Variants in PFKFB3 observed in about 807,000 individuals in gnomAD.
PFKFB3 encodes the protein 6-phosphofructo-2-kinase/fructose-2,6-bisphosphatase 3.
Under a neutral mutation model 68.0 loss-of-function variants are expected in PFKFB3, and 33 were observed. That is an observed-to-expected ratio of 0.49 (90% CI 0.37 to 0.65). The LOEUF (loss-of-function observed/expected upper bound fraction) is 0.65. Ranked by LOEUF, PFKFB3 falls within the 30% of genes least tolerant of loss-of-function variation. PFKFB3 has a pLI of 0.00. For synonymous variants in PFKFB3, 315 were observed against 288.2 expected (o/e 1.09, Z -0.94); for missense variants, 586 against 712.2 (o/e 0.82, Z 2.02).
intron 1 of PFKFB3, among the ~76,000 whole-genome samples, chr10:6,167,453 T>C (rs535555276): frequency 1.1e-4 from 17 of 152,362 alleles, no homozygotes; most frequent in African/African-American, 3.6e-4. Flanking sequence ...AGGAATACTT[T>C]AGGAGTCTCT....
At chr10:6,204,618 C>T (rs547704943) in intron 1 of PFKFB3, among the ~76,000 whole-genome samples, 1 of 152,226 alleles carries the variant, frequency 6.6e-6, no homozygotes, top group Non-Finnish European at 1.5e-5. Context: ...TGTTCCCCCT[C>T]TTTGTGAGGT....
the PFKFB3 span, among the ~76,000 whole-genome samples, chr10:6,281,025 G>C: frequency 1.3e-5 from 2 of 150,692 alleles, no homozygotes; most frequent in Non-Finnish European, 3.0e-5. Flanking sequence ...TCATAGCTTA[G>C]CTCCCACTTA....
In PFKFB3 at chr10:6,220,862, G is replaced by C. The variant is rs776787195; in HGVS notation, c.828G>C (p.Lys276Asn). ...ACTCAGGCCTGTCCAGCCGGGGCAA[G>C]AAGGTGCGGGGTGTGCTGCCGCATG... The part of the protein sequence containing the change: ...GGDSGLSSRG[K>N]KFASALSKFV... The change falls in exon 8 of 15, where the codon AAG (lysine) becomes AAC (asparagine). Residue 276 changes from lysine to asparagine, a missense_variant. Lys to Asn is a moderately conservative substitution (Grantham distance 94, BLOSUM62 0). Coordinates refer to ENST00000379775, the MANE Select transcript of PFKFB3 (RefSeq NM_004566.4). The surrounding 1 kb of genome is among the most constrained non-coding windows in gnomAD (Gnocchi z 4.1). The C allele has an allele frequency of 1.1e-5, 18 of 1,610,468 alleles. No homozygotes were observed. The highest frequency in any genetic ancestry group is 1.5e-5 in the Non-Finnish European group (18 of 1,179,932).
rs755522291 is a variant in PFKFB3 at position 6,228,921 on chromosome 10, G to A, written c.1515+2556G>A. Reference sequence around the variant, plus strand: ...AGTTTCAGGTTCAGCCTTAGCTCTGGCAGCCACTGGGTAGCTGGGGCTGTG... The same window carrying A: ...AGTTTCAGGTTCAGCCTTAGCTCTGACAGCCACTGGGTAGCTGGGGCTGTG... On this transcript the variant is annotated intron_variant, in intron 14 of 14. Transcript: ENST00000379775. The surrounding 1 kb of genome is among the most constrained non-coding windows in gnomAD (Gnocchi z 4.5). Among the ~76,000 whole-genome samples the A allele has an allele frequency of 1.3e-5, 2 of 152,160 alleles. No individual in the cohort carries two copies. The highest frequency in any genetic ancestry group is 2.9e-5 in the Non-Finnish European group (2 of 68,026).
the PFKFB3 span, among the ~76,000 whole-genome samples, chr10:6,272,403 C>T: frequency 2.6e-5 from 4 of 152,152 alleles, no homozygotes; most frequent in African/African-American, 7.2e-5. Context: ...TGTTGAAATA[C>T]GTCAGTCTGG....
rs866423377 is a variant in PFKFB3 at position 6,207,211 on chromosome 10, G to A, written c.76+3875G>A. On this transcript the variant is annotated intron_variant, in intron 1 of 14. Transcript: ENST00000379775. ...GGCACCTCGGGAGGCCGAGGCTGGC[G>A]GATCACTCGCGGTTAGGAGCTGGAG... is the stretch of plus-strand genomic sequence containing the variant. Among the ~76,000 whole-genome samples, 79 of 152,306 alleles carry A rather than the reference G, an allele frequency of 5.2e-4. 1 individual carries two copies. The highest frequency in any genetic ancestry group is 1.7e-3 in the African/African-American group (71 of 41,558).
At chr10:6,198,683 A>G (rs1468866082), upstream of PFKFB3, among the ~76,000 whole-genome samples, 6 of 152,160 alleles carry the variant, frequency 3.9e-5, no homozygotes, top group African/African-American at 1.4e-4. Flanking sequence ...AGGTTTTGCC[A>G]TGTTGGCCAG....
the PFKFB3 span, among the ~76,000 whole-genome samples, chr10:6,301,926 C>T: frequency 6.6e-6 from 1 of 152,184 alleles, no homozygotes; most frequent in African/African-American, 2.4e-5. Flanking sequence ...TCGTAAGTTC[C>T]CCACCACACA....
chr10:6,238,761 T>C (rs1183476800), downstream of PFKFB3, among the ~76,000 whole-genome samples: 1 of 152,092 alleles, frequency 6.6e-6, no homozygotes, highest in Non-Finnish European at 1.5e-5. Flanking sequence ...GGTGTTCCCC[T>C]CTATGTGTCC....
chr10:6,229,393 C>T lies in PFKFB3; in HGVS notation c.1515+3028C>T, dbSNP rs959396231. Among the ~76,000 whole-genome samples the T allele has an allele frequency of 2.6e-5, 4 of 152,334 alleles. No homozygotes were observed. Among genetic ancestry groups the T allele is most frequent in the Middle Eastern group, 3.4e-3 (1 of 294 alleles). On this transcript the variant is annotated intron_variant, in intron 14 of 14. Coordinates refer to ENST00000379775, the MANE Select transcript of PFKFB3 (RefSeq NM_004566.4). The surrounding 1 kb of genome is among the most constrained non-coding windows in gnomAD (Gnocchi z 4.3). ...TGAAAGGCCCCTTGCTTCAGAAAGC[C>T]GGCCGCCTCCTCTCTGCGGCTTCTG...
chr10:6,198,970 C>T (rs1184836190), upstream of PFKFB3, among the ~76,000 whole-genome samples: 1 of 152,156 alleles, frequency 6.6e-6, no homozygotes, highest in Non-Finnish European at 1.5e-5. Context: ...TTTTTCGAAC[C>T]CCCAACATGA....
At chr10:6,182,404 T>C (rs1842739622) in intron 1 of PFKFB3, among the ~76,000 whole-genome samples, 1 of 152,198 alleles carries the variant, frequency 6.6e-6, no homozygotes, top group African/African-American at 2.4e-5. Flanking sequence ...CTAAGACTAA[T>C]CTGGAGTGGA....
chr10:6,242,428 C>T (rs1047401514), intron 14 of PFKFB3, among the ~76,000 whole-genome samples: 2 of 152,310 alleles, frequency 1.3e-5, no homozygotes, highest in Non-Finnish European at 2.9e-5. Flanking sequence ...CCCCTATGTA[C>T]AGAAGCAGGT....
At chr10:6,180,494 C>T (rs1362181054) in intron 1 of PFKFB3, among the ~76,000 whole-genome samples, 2 of 152,096 alleles carry the variant, frequency 1.3e-5, no homozygotes, top group East Asian at 3.8e-4. Flanking sequence ...TTGACAGAGT[C>T]TCCCACTTTG....
chr10:6,225,556 C>T (rs948883210), intron 13 of PFKFB3, among the ~76,000 whole-genome samples: 2 of 152,224 alleles, frequency 1.3e-5, no homozygotes, highest in Non-Finnish European at 2.9e-5. Context: ...AGACAGATCC[C>T]GGTTCTGAGG....
At chr10:6,241,508 C>T (rs1470645417) in intron 14 of PFKFB3, among the ~76,000 whole-genome samples, 1 of 152,186 alleles carries the variant, frequency 6.6e-6, no homozygotes, top group African/African-American at 2.4e-5. Flanking sequence ...CGGAAGGGAG[C>T]AGTATCAAAG....
In PFKFB3 at chr10:6,215,986, C is replaced by A; in HGVS notation, c.300-139C>A. 2 of 837,982 alleles carry A rather than the reference C, an allele frequency of 2.4e-6. No homozygotes were observed. Among genetic ancestry groups the A allele is most frequent in the Non-Finnish European group, 4.0e-6 (2 of 506,056 alleles). 51.9% of individuals were successfully genotyped at this position (837,982 alleles called of 1,614,324 possible). On this transcript the variant is annotated intron_variant, in intron 3 of 14. Transcript: ENST00000379775. The surrounding 1 kb of genome is among the most constrained non-coding windows in gnomAD (Gnocchi z 4.3). Reference sequence around the variant, plus strand: ...TGGAAGCCTCTGGGCCTGAGGGGTGCTGGCCAGCCTGCCCAGCGCTAAGCA... The same window carrying A: ...TGGAAGCCTCTGGGCCTGAGGGGTGATGGCCAGCCTGCCCAGCGCTAAGCA...
chr10:6,273,191 T>G, the PFKFB3 span, among the ~76,000 whole-genome samples: 3 of 151,968 alleles, frequency 2.0e-5, no homozygotes, highest in African/African-American at 7.3e-5. Context: ...GTATTTTCAG[T>G]AGAGACGGGG....
At chr10:6,260,699 A>G in the PFKFB3 span, among the ~76,000 whole-genome samples, 1 of 152,184 alleles carries the variant, frequency 6.6e-6, no homozygotes, top group African/African-American at 2.4e-5. Flanking sequence ...TCTGAAATTC[A>G]TACTTGCTGT....
Sources: gnomAD v4.1 joint callset for allele counts (sites outside exome capture counted in the v4.1 genomes callset) on GRCh38, gnomAD v4.1.1 for gene constraint, Gnocchi (gnomAD v3.1) non-coding constraint, MANE v1.5 for transcripts, NCBI Gene and HGNC (gene_info 2026-07-23, HGNC 2026-07-21) for gene names.